The following SEPTIN6 variants were observed in gnomAD, a reference collection of about 807,000 sequenced individuals.
SEPTIN6 encodes the protein septin 6.
SEPTIN6 carries 8 observed loss-of-function variants against 33.6 expected under a neutral mutation model. That is an observed-to-expected ratio of 0.24 (90% CI 0.14 to 0.43). The LOEUF is 0.43. Among genes scored for constraint, SEPTIN6 ranks in the 20% least tolerant of loss-of-function variants. The probability of loss-of-function intolerance (pLI) is 1.00; values close to 1 mark genes in which losing one functional copy is unlikely to be tolerated. For synonymous variants in SEPTIN6, 131 were observed against 140.0 expected (o/e 0.94, Z 0.45); for missense variants, 250 against 340.8 (o/e 0.73, Z 2.10).
intron 6 of SEPTIN6, among the ~76,000 whole-genome samples, chrX:119,639,294 G>A (rs2054114674): frequency 9.0e-6 from 1 of 111,533 alleles, no homozygotes; most frequent in Non-Finnish European, 1.9e-5. Flanking sequence ...TTCACACGAT[G>A]CCCCTATCAG....
chrX:119,652,679 A>G (rs1463626277), intron 4 of SEPTIN6, among the ~76,000 whole-genome samples, 175 bp downstream of exon 4: 1 of 111,075 alleles, frequency 9.0e-6, no homozygotes, highest in Non-Finnish European at 1.9e-5. Context: ...TGCTGGGAAA[A>G]CAGATCACAA....
At chrX:119,621,800 T>TA (rs66515149) in intron 10 of SEPTIN6, among the ~76,000 whole-genome samples, 4,660 of 87,358 alleles carry the variant, frequency 0.053, 127 homozygotes, top group South Asian at 0.13. Context: ...CCAACTCTCT[T>TA]AAAAAAAAAA....
Position 119,618,872 on chromosome X carries a change from ACCAAAGGCCACTG to A in SEPTIN6, c.*1208_*1220del. On this transcript the variant is annotated 3_prime_UTR_variant, in exon 11 of 11. Transcript: ENST00000394610. The stretch of plus-strand genomic sequence containing the variant: ...TCTCTCACACTGTCACTGGCCAAAC[ACCAAAGGCCACTG>A]TGCCTCATAACCCTGACAAGGGAGG... The A allele has an allele frequency of 8.4e-7, 1 of 1,188,015 alleles. No individual in the cohort carries two copies. The highest frequency in any genetic ancestry group is 1.1e-6 in the Non-Finnish European group (1 of 883,534).
At chrX:119,647,424 TTCTTTCTC>T (rs781522185) in intron 5 of SEPTIN6, among the ~76,000 whole-genome samples, 99 of 103,918 alleles carry the variant, frequency 9.5e-4, no homozygotes, top group African/African-American at 3.2e-3. Context: ...TCCTTTTTAT[TTCTTTCTC>T]TCTTTCTCTC....
chrX:119,664,714 G>A (rs910745456), intron 2 of SEPTIN6, among the ~76,000 whole-genome samples: 6 of 107,404 alleles, frequency 5.6e-5, no homozygotes, highest in Admixed American at 1.0e-4. Context: ...GGTGGCAGGC[G>A]CCTGTAATCC....
rs1458784142 is a variant in SEPTIN6 at position 119,693,152 on chromosome X, G to A, written c.-47C>T. The A allele has an allele frequency of 3.5e-6, 4 of 1,152,860 alleles. No individual in the cohort carries two copies. Among genetic ancestry groups the A allele is most frequent in the Non-Finnish European group, 3.5e-6 (3 of 859,864 alleles). ...TGCCACGGGTGCCGCCGCAACGGGA[G>A]CTACTGCACAGGAAACAGAGGAGCT... On this transcript the variant is annotated 5_prime_UTR_variant, in exon 1 of 11. Transcript: ENST00000394610.
At chrX:119,686,511 C>T (rs1174051402) in intron 1 of SEPTIN6, 1 of 727,114 alleles carries the variant, frequency 1.4e-6, no homozygotes, top group East Asian at 8.3e-5. Flanking sequence ...CAGCAGATGG[C>T]TGCCTCTAAT....
At chrX:119,653,099 TC>T in intron 3 of SEPTIN6, 59 bp from the exon 4 acceptor site, 1 of 979,109 alleles carries the variant, frequency 1.0e-6, no homozygotes, top group Non-Finnish European at 1.4e-6. Context: ...TTTGACACCG[TC>T]CTTTTTGGAA....
intron 6 of SEPTIN6, among the ~76,000 whole-genome samples, chrX:119,639,686 G>A (rs1353264426): frequency 1.8e-5 from 2 of 111,017 alleles, no homozygotes; most frequent in African/African-American, 6.6e-5. Context: ...CTGACTTTGG[G>A]GATTATCATT....
At position 119,637,900 on chromosome X, in the gene SEPTIN6, C is replaced by A. The variant is rs1485836333; in HGVS notation, c.788-705G>T. On this transcript the variant is annotated intron_variant, in intron 6 of 10. Coordinates refer to ENST00000394610, the MANE Select transcript of SEPTIN6 (RefSeq NM_145799.4). Reference sequence around the variant, plus strand: ...AGCTCAGAAGAGGGGAACCTAAGAACTCCTGGGAAAGTGAAGACTTCACCG... The same window carrying A: ...AGCTCAGAAGAGGGGAACCTAAGAAATCCTGGGAAAGTGAAGACTTCACCG... Among the ~76,000 whole-genome samples, 15 of 112,371 alleles carry A rather than the reference C, an allele frequency of 1.3e-4. No homozygotes were observed. The Admixed American group carries it at 1.4e-3, about 11-fold the overall frequency.
intron 5 of SEPTIN6, among the ~76,000 whole-genome samples, chrX:119,642,172 A>T (rs11796103): frequency 1.2e-5 from 1 of 83,916 alleles, no homozygotes; most frequent in Admixed American, 1.3e-4. Context: ...AGCAAGACCC[A>T]GTCTCAAAAA....
At chrX:119,669,163 C>T (rs1235369933) in intron 2 of SEPTIN6, among the ~76,000 whole-genome samples, 1 of 113,164 alleles carries the variant, frequency 8.8e-6, no homozygotes, top group Non-Finnish European at 1.9e-5. Context: ...GCAGAGCCAG[C>T]ATTTGAATCC....
Position 119,618,447 on chromosome X carries a change from C to A in SEPTIN6, c.*1646G>T, listed in dbSNP as rs778325056. On this transcript the variant is annotated 3_prime_UTR_variant, in exon 11 of 11. Transcript: ENST00000394610. The stretch of plus-strand genomic sequence containing the variant: ...TGATCTATAATTGAAGTGAGAAATC[C>A]CCTTCCCCTTCTCAATACTTCAAAA... 4.9e-5 allele frequency: 43 copies of A among 882,596 alleles called. No individual in the cohort carries two copies. Among genetic ancestry groups the A allele is most frequent in the African/African-American group, 6.3e-5 (3 of 47,452 alleles). 72.7% of individuals were successfully genotyped at this position (882,596 alleles called of 1,213,427 possible). A position where few individuals can be genotyped will look rare whatever the true frequency, so the allele number is the denominator to read the frequency against.
chrX:119,620,245 C>A (rs767312074), intron 10 of SEPTIN6, among the ~76,000 whole-genome samples, 194 bp from the exon 11 acceptor site: 8 of 110,960 alleles, frequency 7.2e-5, no homozygotes, highest in African/African-American at 2.0e-4. Flanking sequence ...CACACACTCC[C>A]ACATGATGGC....
intron 9 of SEPTIN6, among the ~76,000 whole-genome samples, chrX:119,626,225 G>A (rs1280009748): frequency 8.9e-6 from 1 of 112,066 alleles, no homozygotes; most frequent in Non-Finnish European, 1.9e-5. Context: ...AGTAGAGAGG[G>A]GTATCTCCCT....
chrX:119,683,554 A>G (rs1353940153), intron 1 of SEPTIN6, among the ~76,000 whole-genome samples: 5 of 112,885 alleles, frequency 4.4e-5, no homozygotes, highest in African/African-American at 1.6e-4. Flanking sequence ...CAACCTGTAT[A>G]CACAGGGTCA....
At chrX:119,632,656 C>T (rs1373173183) in intron 8 of SEPTIN6, among the ~76,000 whole-genome samples, 9 of 110,309 alleles carry the variant, frequency 8.2e-5, no homozygotes, top group Non-Finnish European at 1.7e-4. Context: ...GAGATGGAGT[C>T]TTGCTCTGTC....
intron 3 of SEPTIN6, among the ~76,000 whole-genome samples, chrX:119,657,214 G>A (rs1479603551): frequency 7.2e-5 from 7 of 97,853 alleles, no homozygotes; most frequent in South Asian, 4.8e-4. Context: ...GTGAGATTCC[G>A]TCTCAAAAAA....
chrX:119,658,287 C>T (rs1017758624), intron 3 of SEPTIN6, among the ~76,000 whole-genome samples: 1 of 111,463 alleles, frequency 9.0e-6, no homozygotes, highest in Non-Finnish European at 1.9e-5. Flanking sequence ...TTACAGACAC[C>T]GCATCGTGAT....
Sources: allele counts gnomAD v4.1 joint callset (sites outside exome capture counted in the v4.1 genomes callset), GRCh38; gene constraint gnomAD v4.1.1; transcripts MANE v1.5; gene names NCBI Gene and HGNC (gene_info 2026-07-23, HGNC 2026-07-21).